Variants in GUCY1A1 observed in about 807,000 individuals in gnomAD.
GUCY1A1 encodes guanylate cyclase soluble subunit alpha-1.
Under a neutral mutation model 64.5 loss-of-function variants are expected in GUCY1A1, and 48 were observed. The observed-to-expected ratio is 0.74, with a 90% CI of 0.59 to 0.95. The LOEUF (loss-of-function observed/expected upper bound fraction) is 0.95, where lower values mean the gene tolerates loss of function less well. GUCY1A1 is among the 40% of genes least tolerant of loss of function. GUCY1A1 has a pLI of 0.00. For missense variants in GUCY1A1, 804 were observed against 825.3 expected, an observed-to-expected ratio of 0.97 and a Z score of 0.32; for synonymous variants, 308 against 303.4, an observed-to-expected ratio of 1.02 and a Z score of -0.16.
At position 155,731,489 on chromosome 4, in the gene GUCY1A1, A is replaced by G. The variant is rs929923906; in HGVS notation, c.*1258A>G. ...GACTACATTATGGAAATGTCTAAGT[A>G]TTTTTTCCGGAACTTCAACTTTTTC... is the stretch of plus-strand genomic sequence containing the variant. On this transcript the variant is annotated 3_prime_UTR_variant, in exon 10 of 10. Transcript: ENST00000506455. The G allele has an allele frequency of 4.0e-5, 6 of 151,768 alleles. No individual in the cohort carries two copies. The highest frequency in any genetic ancestry group is 4.0e-4 in the Admixed American group (6 of 15,186). The allele number at this position is 151,768 out of a possible 1,614,324, so 9.4% of individuals were successfully genotyped here. A position where few individuals can be genotyped will look rare whatever the true frequency, so the allele number is the denominator to read the frequency against.
At chr4:155,675,719 T>C (rs1578998289) in intron 2 of GUCY1A1, among the ~76,000 whole-genome samples, 1 of 151,714 alleles carries the variant, frequency 6.6e-6, no homozygotes, top group East Asian at 1.9e-4. Flanking sequence ...CAGTGGTATG[T>C]AGGAGAGCTG....
intron 9 of GUCY1A1, among the ~76,000 whole-genome samples, chr4:155,727,184 G>A (rs1262339223): frequency 2.0e-5 from 3 of 151,924 alleles, no homozygotes; most frequent in Admixed American, 2.0e-4. Context: ...CACCTATGAG[G>A]ACATCTGGGC....
chr4:155,722,404 C>G (rs973512779), intron 9 of GUCY1A1: 6 of 1,378,476 alleles, frequency 4.4e-6, no homozygotes, highest in African/African-American at 1.5e-5. Flanking sequence ...TGTGGCCCAG[C>G]CATAAATCCA....
chr4:155,693,725 A>G (rs538912869), intron 2 of GUCY1A1, among the ~76,000 whole-genome samples: 86 of 152,316 alleles, frequency 5.6e-4, no homozygotes, highest in African/African-American at 1.9e-3. Context: ...TTTTGCTTTA[A>G]TAAAAAACAC....
At chr4:155,729,196 CTG>C (rs1735189513) in intron 9 of GUCY1A1, among the ~76,000 whole-genome samples, 1 of 151,730 alleles carries the variant, frequency 6.6e-6, no homozygotes, top group Admixed American at 6.6e-5. Flanking sequence ...AAATGCTTTT[CTG>C]TAGAAATTGG....
intron 2 of GUCY1A1, among the ~76,000 whole-genome samples, chr4:155,687,873 A>T (rs1208696642): frequency 6.6e-6 from 1 of 152,092 alleles, no homozygotes; most frequent in African/African-American, 2.4e-5. Context: ...CCAAATTATG[A>T]AGTCTCTGTC....
chr4:155,699,961 T>C (rs1730871271), intron 3 of GUCY1A1, among the ~76,000 whole-genome samples: 1 of 152,200 alleles, frequency 6.6e-6, no homozygotes, highest in Non-Finnish European at 1.5e-5. Flanking sequence ...CTTGATCATC[T>C]AATGCAAACT....
rs1055259202 is a variant in GUCY1A1, at chr4:155,736,485, T to C, written c.*6254T>C. On this transcript the variant is annotated 3_prime_UTR_variant, in exon 10 of 10. Transcript: ENST00000506455. ...TAGTGAAGTACCATAGACCATATTG[T>C]CTAGATGGGACAAAATAATAAATTT... 8 of 151,950 alleles carry C rather than the reference T, an allele frequency of 5.3e-5. No homozygotes were observed. The highest frequency in any genetic ancestry group is 1.2e-4 in the African/African-American group (5 of 41,402). 9.4% of individuals were successfully genotyped at this position (151,950 alleles called of 1,614,324 possible).
intron 6 of GUCY1A1, among the ~76,000 whole-genome samples, chr4:155,711,604 A>C (rs56285368): frequency 1.6e-4 from 24 of 152,370 alleles, no homozygotes; most frequent in Non-Finnish European, 2.6e-4. Context: ...AACAAAAGTC[A>C]CTTGTTTCTT....
chr4:155,723,890 T>C (rs1457746659), intron 9 of GUCY1A1, among the ~76,000 whole-genome samples: 1 of 152,104 alleles, frequency 6.6e-6, no homozygotes, highest in Non-Finnish European at 1.5e-5. Flanking sequence ...CTCGAACTCC[T>C]GACCTCAAGT....
At chr4:155,703,878 C>A in intron 3 of GUCY1A1, 54 bp from the exon 4 acceptor site, 1 of 1,093,428 alleles carries the variant, frequency 9.1e-7, no homozygotes, top group Non-Finnish European at 1.4e-6. Context: ...ATATATAATT[C>A]CAAACAAATT....
intron 4 of GUCY1A1, among the ~76,000 whole-genome samples, chr4:155,706,976 C>A (rs1383358257): frequency 1.3e-5 from 2 of 152,174 alleles, no homozygotes; most frequent in Admixed American, 6.5e-5. Context: ...GCAGTAATTG[C>A]ATGAAGAATA....
At chr4:155,696,100 A>G (rs544391814) in intron 2 of GUCY1A1, among the ~76,000 whole-genome samples, 6 of 152,158 alleles carry the variant, frequency 3.9e-5, no homozygotes, top group South Asian at 2.1e-4. Flanking sequence ...ATCCCATGGT[A>G]TGTTCTTGGG....
At chr4:155,676,619 A>G (rs1450444480) in intron 2 of GUCY1A1, among the ~76,000 whole-genome samples, 1 of 151,360 alleles carries the variant, frequency 6.6e-6, no homozygotes, top group Admixed American at 6.6e-5. Context: ...TTTGCTGCAG[A>G]GCGTGTGTTA....
rs922337044 is a variant in GUCY1A1 at position 155,733,195 on chromosome 4, A to G, written c.*2964A>G. On this transcript the variant is annotated 3_prime_UTR_variant, in exon 10 of 10. Coordinates refer to ENST00000506455, the MANE Select transcript of GUCY1A1 (RefSeq NM_001130682.3). ...TTAAGGATAAAATATGGCCCAATCTATCAAGAAAGGAAAGTGAAAGACAAA... is the reference window on the plus strand; with the variant it reads ...TTAAGGATAAAATATGGCCCAATCTGTCAAGAAAGGAAAGTGAAAGACAAA... Among the ~76,000 whole-genome samples, 2 of 151,846 alleles carry G rather than the reference A, an allele frequency of 1.3e-5. No homozygotes were observed. Among genetic ancestry groups the G allele is most frequent in the Non-Finnish European group, 2.9e-5 (2 of 67,878 alleles).
At chr4:155,667,814 C>G (rs535604206) in intron 2 of GUCY1A1, 1 of 151,914 alleles carries the variant, frequency 6.6e-6, no homozygotes. Flanking sequence ...GCTGCGGCCT[C>G]CGGCGCGCCG....
chr4:155,706,928 T>C (rs537317065), intron 4 of GUCY1A1, among the ~76,000 whole-genome samples: 1 of 152,332 alleles, frequency 6.6e-6, no homozygotes, highest in South Asian at 2.1e-4. Flanking sequence ...TAAAAAAGCA[T>C]GCTATTACAG....
intron 2 of GUCY1A1, among the ~76,000 whole-genome samples, chr4:155,691,127 AAGCC>A (rs1444472512): frequency 6.6e-6 from 1 of 152,226 alleles, no homozygotes; most frequent in Non-Finnish European, 1.5e-5. Context: ...ACTAAAGCAA[AAGCC>A]AGATGGTTTT....
Position 155,732,904 on chromosome 4 carries a change from C to T in GUCY1A1, c.*2673C>T, listed in dbSNP as rs932472956. ...ACACTATATAAATTATCTCCTTATA[C>T]ATATTTCTCAGGCAAGCACAGAGTT... On this transcript the variant is annotated 3_prime_UTR_variant, in exon 10 of 10. Transcript: ENST00000506455. Among the ~76,000 whole-genome samples, 1 of 151,814 alleles carries T rather than the reference C, an allele frequency of 6.6e-6. No homozygotes were observed. The highest frequency in any genetic ancestry group is 2.4e-5 in the African/African-American group (1 of 41,370).
Sources: allele counts gnomAD v4.1 joint callset (sites outside exome capture counted in the v4.1 genomes callset), GRCh38; gene constraint gnomAD v4.1.1; transcripts MANE v1.5; gene names NCBI Gene and HGNC (gene_info 2026-07-23, HGNC 2026-07-21).